The following VPS13B variants were observed in gnomAD, a reference collection of about 807,000 sequenced individuals.
The protein encoded by VPS13B is vacuolar protein sorting 13 homolog B.
In VPS13B, 285 loss-of-function variants were observed where a neutral mutation model predicts 426.4. The ratio of observed to expected loss-of-function variants is 0.67; its 90% CI spans 0.61 to 0.74. The LOEUF (loss-of-function observed/expected upper bound fraction) is 0.74. VPS13B is among the 30% of genes least tolerant of loss of function. VPS13B has a pLI of 0.00. For missense variants in VPS13B, 4,537 were observed against 4,782.6 expected (o/e 0.95, Z 1.51); for synonymous variants, 1,676 against 1,676.4 (o/e 1.00, Z 0.01).
intron 43 of VPS13B, among the ~76,000 whole-genome samples, chr8:99,785,887 C>T (rs1182493783): frequency 3.3e-5 from 5 of 152,138 alleles, no homozygotes; most frequent in Non-Finnish European, 5.9e-5. Flanking sequence ...GGAAAGAAGC[C>T]TCTGAGAAGC....
chr8:99,486,548 T>C (rs1265200136), intron 25 of VPS13B, among the ~76,000 whole-genome samples: 1 of 152,182 alleles, frequency 6.6e-6, no homozygotes, highest in Non-Finnish European at 1.5e-5. Flanking sequence ...CACTTTCACC[T>C]CTTCTCTGTC....
chr8:99,733,821 G>C (rs1156875500), intron 39 of VPS13B, among the ~76,000 whole-genome samples: 2 of 152,230 alleles, frequency 1.3e-5, no homozygotes, highest in Non-Finnish European at 2.9e-5. Flanking sequence ...TAAAGGTCTT[G>C]GTTCTCTTAT....
At chr8:99,438,362 A>G (rs561293860) in intron 22 of VPS13B, among the ~76,000 whole-genome samples, 2 of 152,226 alleles carry the variant, frequency 1.3e-5, no homozygotes, top group African/African-American at 4.8e-5. Flanking sequence ...CTTTATTTTC[A>G]GGATTAAATG....
chr8:99,482,273 C>T (rs1357516766), intron 25 of VPS13B, among the ~76,000 whole-genome samples: 4 of 152,010 alleles, frequency 2.6e-5, no homozygotes, highest in Non-Finnish European at 5.9e-5. Flanking sequence ...TTATTTTTAA[C>T]GTCCTAACCT....
intron 19 of VPS13B, among the ~76,000 whole-genome samples, chr8:99,311,120 G>C (rs757364183): frequency 4.6e-5 from 7 of 152,082 alleles, no homozygotes; most frequent in African/African-American, 7.2e-5. Flanking sequence ...CAAAAAACCA[G>C]GTCCTGGATT....
At chr8:99,282,070 A>G (rs1819200389) in intron 19 of VPS13B, among the ~76,000 whole-genome samples, 1 of 152,118 alleles carries the variant, frequency 6.6e-6, no homozygotes, top group African/African-American at 2.4e-5. Flanking sequence ...TTCATACTTC[A>G]TTATTCACTC....
At chr8:99,240,668 C>A (rs910323281) in intron 17 of VPS13B, among the ~76,000 whole-genome samples, 7 of 152,170 alleles carry the variant, frequency 4.6e-5, no homozygotes, top group Non-Finnish European at 1.0e-4. Context: ...CTAATTTGTA[C>A]ATAAGCCACA....
At chr8:99,076,393 A>G (rs1364581181) in intron 3 of VPS13B, among the ~76,000 whole-genome samples, 1 of 152,268 alleles carries the variant, frequency 6.6e-6, no homozygotes, top group East Asian at 1.9e-4. Flanking sequence ...AGTGCAGTTT[A>G]CATCTGATTT....
At chr8:99,278,715 C>T (rs992842236) in intron 19 of VPS13B, among the ~76,000 whole-genome samples, 5 of 152,208 alleles carry the variant, frequency 3.3e-5, no homozygotes, top group Admixed American at 6.5e-5. Context: ...AAGTTCCTAA[C>T]GTAACGGATC....
chr8:99,016,353 C>T (rs1841612112), intron 2 of VPS13B, among the ~76,000 whole-genome samples: 1 of 152,136 alleles, frequency 6.6e-6, no homozygotes, highest in African/African-American at 2.4e-5. Context: ...ATAAGCATTC[C>T]AGGTATTTCA....
At chr8:99,064,384 TA>T (rs1394142474) in intron 3 of VPS13B, among the ~76,000 whole-genome samples, 17 of 152,276 alleles carry the variant, frequency 1.1e-4, no homozygotes, top group African/African-American at 4.1e-4. Flanking sequence ...AATGGCTAAC[TA>T]GAATAAACAG....
chr8:99,504,987 C>T (rs1051570317), intron 27 of VPS13B, among the ~76,000 whole-genome samples: 4 of 152,218 alleles, frequency 2.6e-5, no homozygotes, highest in Middle Eastern at 6.3e-3. Context: ...TCCTTCAGCA[C>T]TTGTTGCTTC....
At chr8:99,131,952 A>G (rs1296254969) in intron 8 of VPS13B, among the ~76,000 whole-genome samples, 1 of 152,116 alleles carries the variant, frequency 6.6e-6, no homozygotes, top group African/African-American at 2.4e-5. Flanking sequence ...GCTGGAGTGT[A>G]GTGGTATGAT....
At chr8:99,757,050 G>A (rs150775087) in intron 39 of VPS13B, among the ~76,000 whole-genome samples, 1 of 152,114 alleles carries the variant, frequency 6.6e-6, no homozygotes, top group African/African-American at 2.4e-5. Flanking sequence ...CTTGTAGAGG[G>A]CTATTCAAAG....
intron 35 of VPS13B, among the ~76,000 whole-genome samples, chr8:99,665,843 CA>C (rs750897706): frequency 4.5e-4 from 68 of 152,132 alleles, no homozygotes; most frequent in Non-Finnish European, 8.2e-4. Context: ...TAGTTTTTTC[CA>C]ATTCTGTGAG....
At chr8:99,854,280 G>A (rs1368628484) in intron 56 of VPS13B, 24 bp downstream of exon 56, 1 of 1,609,658 alleles carries the variant, frequency 6.2e-7, no homozygotes, top group African/African-American at 1.3e-5. Context: ...CTGAGGGTCT[G>A]TGATGAGCTA....
intron 31 of VPS13B, among the ~76,000 whole-genome samples, chr8:99,574,159 A>G (rs1825637275): frequency 6.6e-6 from 1 of 152,178 alleles, no homozygotes; most frequent in Non-Finnish European, 1.5e-5. Context: ...TTGTATCCTG[A>G]GACTTTGCTG....
Position 99,142,229 on chromosome 8 carries a change from G to A in VPS13B, c.1652-745G>A, listed in dbSNP as rs571104052. Among the ~76,000 whole-genome samples the A allele has an allele frequency of 3.9e-5, 6 of 152,194 alleles. No individual in the cohort carries two copies. In the East Asian group the frequency reaches 9.6e-4, roughly 24 times the overall value. ...TAAGTAGGCTTTTCTAGTTTCTAAG[G>A]TTATTAAATCCTGGAAAATTCTTTC... On this transcript the variant is annotated intron_variant, in intron 12 of 61. Coordinates refer to ENST00000357162, the MANE Select transcript of VPS13B (RefSeq NM_152564.5).
chr8:99,019,359 A>G (rs764178019), intron 2 of VPS13B, among the ~76,000 whole-genome samples: 31 of 151,944 alleles, frequency 2.0e-4, no homozygotes, highest in Non-Finnish European at 4.4e-5. Flanking sequence ...GGTGCCCACG[A>G]CAACACCCGG....
Sources: allele counts gnomAD v4.1 joint callset (sites outside exome capture counted in the v4.1 genomes callset), GRCh38; gene constraint gnomAD v4.1.1; transcripts MANE v1.5; gene names NCBI Gene and HGNC (gene_info 2026-07-23, HGNC 2026-07-21).